PLEKHA7: variants seen among roughly 807,000 people sequenced by gnomAD.
The protein encoded by PLEKHA7 is pleckstrin homology domain-containing family A member 7.
Under a neutral mutation model 170.0 loss-of-function variants are expected in PLEKHA7, and 104 were observed. The ratio of observed to expected loss-of-function variants is 0.61; its 90% CI spans 0.52 to 0.72. PLEKHA7 has a LOEUF of 0.72. Among genes scored for constraint, PLEKHA7 ranks in the 30% least tolerant of loss-of-function variants. PLEKHA7 has a pLI of 0.00. For missense variants in PLEKHA7, 1,615 were observed against 1,671.7 expected, an observed-to-expected ratio of 0.97 and a Z score of 0.59; for synonymous variants, 648 against 660.8, an observed-to-expected ratio of 0.98 and a Z score of 0.30.
At chr11:16,872,118 A>G (rs957413924) in intron 3 of PLEKHA7, among the ~76,000 whole-genome samples, 1 of 151,944 alleles carries the variant, frequency 6.6e-6, no homozygotes, top group South Asian at 2.1e-4. Context: ...ACAGTTGTGC[A>G]CTACCACGCC....
chr11:16,929,426 G>A (rs752465802), intron 3 of PLEKHA7, among the ~76,000 whole-genome samples: 2 of 152,170 alleles, frequency 1.3e-5, no homozygotes, highest in African/African-American at 4.8e-5. Context: ...TTAATAAGCC[G>A]AGAGCATATA....
chr11:16,858,259 A>G (rs1273108015), intron 4 of PLEKHA7, among the ~76,000 whole-genome samples: 1 of 152,184 alleles, frequency 6.6e-6, no homozygotes, highest in Non-Finnish European at 1.5e-5. Flanking sequence ...GATCAAAATT[A>G]TATATGTGAC....
At chr11:17,007,197 C>T (rs1229938324) in intron 3 of PLEKHA7, among the ~76,000 whole-genome samples, 2 of 152,098 alleles carry the variant, frequency 1.3e-5, no homozygotes, top group African/African-American at 4.8e-5. Context: ...CAACTCCTAG[C>T]ATATGAGGTA....
intron 8 of PLEKHA7, 25 bp downstream of exon 8, chr11:16,851,166 T>C: frequency 1.3e-6 from 2 of 1,522,920 alleles, no homozygotes; most frequent in Non-Finnish European, 8.9e-7. Flanking sequence ...ACAGAATGGC[T>C]GCATTAGAGG....
chr11:16,787,995 A>C (rs1174034320), intron 23 of PLEKHA7: 2 of 152,300 alleles, frequency 1.3e-5, no homozygotes, highest in African/African-American at 4.8e-5. Flanking sequence ...TCCATAAGAA[A>C]TTGTGTGATT....
intron 9 of PLEKHA7, among the ~76,000 whole-genome samples, chr11:16,827,502 T>C (rs1850749323): frequency 6.6e-6 from 1 of 152,144 alleles, no homozygotes; most frequent in Admixed American, 6.5e-5. Context: ...TGTGCAAACC[T>C]GGAAGCTATA....
At chr11:16,961,355 C>G (rs898023362) in intron 3 of PLEKHA7, among the ~76,000 whole-genome samples, 1 of 152,254 alleles carries the variant, frequency 6.6e-6, no homozygotes, top group Non-Finnish European at 1.5e-5. Context: ...CTATGCTCAG[C>G]TCATCGGAGA....
intron 9 of PLEKHA7, 69 bp downstream of exon 9, chr11:16,841,478 A>G (rs539363725): frequency 7.3e-5 from 111 of 1,517,114 alleles, no homozygotes; most frequent in African/African-American, 7.0e-4. Context: ...CAGGCACCCA[A>G]GAGGACCTAT....
intron 9 of PLEKHA7, among the ~76,000 whole-genome samples, chr11:16,838,693 C>CTTTTTTTTTT (rs869209891): frequency 4.6e-5 from 5 of 107,868 alleles, no homozygotes; most frequent in South Asian, 3.1e-4. Flanking sequence ...ACACAGTTTT[C>CTTTTTTTTTT]TTTTTTTTTT....
At chr11:16,887,442 G>A (rs1033249162) in intron 3 of PLEKHA7, among the ~76,000 whole-genome samples, 26 of 151,590 alleles carry the variant, frequency 1.7e-4, no homozygotes, top group Admixed American at 8.5e-4. Flanking sequence ...CTCCGATGCC[G>A]AGTCGAAGCT....
chr11:16,995,790 T>A (rs904649426), intron 3 of PLEKHA7, among the ~76,000 whole-genome samples: 5 of 152,208 alleles, frequency 3.3e-5, no homozygotes, highest in Non-Finnish European at 7.3e-5. Context: ...TTGCTACAAC[T>A]ATATCCAGAT....
intron 26 of PLEKHA7, chr11:16,780,938 T>C: frequency 1.0e-6 from 1 of 971,434 alleles, no homozygotes; most frequent in Non-Finnish European, 1.2e-6. Flanking sequence ...ACAGGGGCTC[T>C]TACTTGGAAG....
At position 16,790,888 on chromosome 11, in the gene PLEKHA7, GCTCA is replaced by G; in HGVS notation, c.2958_2961del (p.Glu987LeufsTer15). The G allele has an allele frequency of 6.2e-7, 1 of 1,613,046 alleles. No homozygotes were observed. Among genetic ancestry groups the G allele is most frequent in the Non-Finnish European group, 8.5e-7 (1 of 1,179,618 alleles). ...TCCCCGCTGAGGGTCGCCAGCTCAGGCTCACTGACATACGACCGCAGCTCCACCT... is the reference window on the plus strand; with the variant it reads ...TCCCCGCTGAGGGTCGCCAGCTCAGGCTGACATACGACCGCAGCTCCACCT... On this transcript the variant is annotated frameshift_variant, in exon 21 of 27. Coordinates refer to ENST00000531066, the MANE Select transcript of PLEKHA7 (RefSeq NM_001329630.2). LOFTEE classifies it high-confidence loss of function.
At chr11:16,849,955 A>G (rs1043127361) in intron 8 of PLEKHA7, among the ~76,000 whole-genome samples, 1 of 152,180 alleles carries the variant, frequency 6.6e-6, no homozygotes, top group Non-Finnish European at 1.5e-5. Flanking sequence ...GTGCCTCCTT[A>G]GGAAGGAAAG....
intron 3 of PLEKHA7, among the ~76,000 whole-genome samples, chr11:16,923,940 T>C (rs998190825): frequency 3.3e-5 from 5 of 152,066 alleles, no homozygotes; most frequent in Admixed American, 2.0e-4. Flanking sequence ...TAAGGCACAA[T>C]GCTACCAGGA....
At chr11:16,996,913 G>A (rs1488056980) in intron 3 of PLEKHA7, among the ~76,000 whole-genome samples, 1 of 151,912 alleles carries the variant, frequency 6.6e-6, no homozygotes, top group African/African-American at 2.4e-5. Context: ...TCCAGCCTGG[G>A]TGACACAGCA....
At chr11:16,980,795 G>A (rs1863380109) in intron 3 of PLEKHA7, among the ~76,000 whole-genome samples, 1 of 152,116 alleles carries the variant, frequency 6.6e-6, no homozygotes, top group African/African-American at 2.4e-5. Flanking sequence ...GCTGAGGCAG[G>A]AGAATCGCTT....
intron 21 of PLEKHA7, chr11:16,790,564 T>A: frequency 1.9e-6 from 1 of 538,066 alleles, no homozygotes; most frequent in African/African-American, 1.9e-5. Flanking sequence ...GGCTTTCTAG[T>A]AACTGCTATT....
intron 9 of PLEKHA7, among the ~76,000 whole-genome samples, chr11:16,828,501 A>C (rs987578494): frequency 6.6e-6 from 1 of 152,174 alleles, no homozygotes; most frequent in Non-Finnish European, 1.5e-5. Context: ...GTGAGAATGG[A>C]CTAATATACA....
Sources: allele counts gnomAD v4.1 joint callset (sites outside exome capture counted in the v4.1 genomes callset), GRCh38; gene constraint gnomAD v4.1.1; transcripts MANE v1.5; gene names NCBI Gene and HGNC (gene_info 2026-07-23, HGNC 2026-07-21).